DEPDC4: variants seen among roughly 807,000 people sequenced by gnomAD.
DEPDC4 encodes the protein DEP domain containing 4, also known as DEP domain-containing protein 4.
DEPDC4 carries 52 observed loss-of-function variants against 52.0 expected under a neutral mutation model. The observed-to-expected ratio is 1.00, with a 90% CI of 0.80 to 1.26. The LOEUF (loss-of-function observed/expected upper bound fraction) is 1.26. DEPDC4 is among the 50% of genes most tolerant of loss of function. The pLI is 0.00. For missense variants in DEPDC4, 530 were observed against 546.9 expected (o/e 0.97, Z 0.31); for synonymous variants, 201 against 196.8 (o/e 1.02, Z -0.18).
intron 3 of DEPDC4, among the ~76,000 whole-genome samples, chr12:100,261,447 G>T (rs2096253354): frequency 6.6e-6 from 1 of 152,140 alleles, no homozygotes; most frequent in Non-Finnish European, 1.5e-5. Context: ...ATTTTAAGGA[G>T]AAAAACACAA....
At chr12:100,270,537 A>G (rs779797526), upstream of DEPDC4, among the ~76,000 whole-genome samples, 79 of 152,088 alleles carry the variant, frequency 5.2e-4, no homozygotes, top group Non-Finnish European at 8.8e-4. Flanking sequence ...AAAAACTTGG[A>G]TGTAATCTTT....
At chr12:100,255,574 G>A (rs190554248) in intron 4 of DEPDC4, among the ~76,000 whole-genome samples, 228 of 152,290 alleles carry the variant, frequency 1.5e-3, no homozygotes, top group African/African-American at 5.0e-3. Context: ...ATAGCTTGGC[G>A]TTGGGAGTAA....
intron 3 of DEPDC4, chr12:100,261,729 C>T (rs189665236): frequency 6.6e-6 from 3 of 456,668 alleles, no homozygotes; most frequent in Non-Finnish European, 1.3e-5. Context: ...TATTGCCTCA[C>T]CTGTCTTATC....
intron 7 of DEPDC4, among the ~76,000 whole-genome samples, chr12:100,251,136 C>G (rs768218243): frequency 4.6e-5 from 7 of 152,150 alleles, no homozygotes; most frequent in Non-Finnish European, 1.0e-4. Context: ...TGGGGTCTTG[C>G]AATGTTGCCC....
chr12:100,258,396 G>A (rs180939701), intron 3 of DEPDC4, among the ~76,000 whole-genome samples: 1 of 152,058 alleles, frequency 6.6e-6, no homozygotes, highest in African/African-American at 2.4e-5. Flanking sequence ...AATTAGAACA[G>A]AGAAGGTAGA....
At chr12:100,235,476 T>TC (rs1237894145), downstream of DEPDC4, among the ~76,000 whole-genome samples, 1 of 151,608 alleles carries the variant, frequency 6.6e-6, no homozygotes, top group East Asian at 1.9e-4. Context: ...GGGGCACCCA[T>TC]CCCCCCAGCA....
chr12:100,267,140 A>G, upstream of DEPDC4: 1 of 1,556,370 alleles, frequency 6.4e-7, no homozygotes, highest in Non-Finnish European at 8.7e-7. Flanking sequence ...CCGAACCGGC[A>G]GGAAGTGACG....
chr12:100,241,838 C>G lies in DEPDC4; in HGVS notation c.*54G>C. 1 of 1,089,756 alleles carries G rather than the reference C, an allele frequency of 9.2e-7. No individual in the cohort carries two copies. The highest frequency in any genetic ancestry group is 2.1e-5 in the South Asian group (1 of 46,772). The allele number at this position is 1,089,756 out of a possible 1,614,324, so 67.5% of individuals were successfully genotyped here. On this transcript the variant is annotated 3_prime_UTR_variant, in exon 10 of 10. Coordinates refer to ENST00000550587, the MANE Select transcript of DEPDC4 (RefSeq NM_001364818.2). ...CCTTGTATGTCAAGGGTTGGCAAAA[C>G]GTAAAGCCTGGAAAAAAAAAAAAAA...
chr12:100,244,093 GTGTATATATA>G (rs1316451572), intron 8 of DEPDC4, among the ~76,000 whole-genome samples: 1,078 of 89,320 alleles, frequency 0.012, 61 homozygotes, highest in African/African-American at 0.032. Flanking sequence ...CTCTCTCTCT[GTGTATATATA>G]TATATATATA....
At chr12:100,244,121 A>ATG in intron 8 of DEPDC4, among the ~76,000 whole-genome samples, 1 of 130,438 alleles carries the variant, frequency 7.7e-6, no homozygotes, top group African/African-American at 2.9e-5. Flanking sequence ...ATATATATAT[A>ATG]TATATATATA....
rs978568241 is a variant in DEPDC4 at position 100,252,531 on chromosome 12, C to T, written c.1111G>A (p.Glu371Lys). The T allele has an allele frequency of 2.0e-5, 32 of 1,598,714 alleles. No individual in the cohort carries two copies. Among genetic ancestry groups the T allele is most frequent in the Non-Finnish European group, 5.1e-6 (6 of 1,175,712 alleles). ...HSGIIELLENEKRAEALEATQ... is the reference protein window; with the variant it reads ...HSGIIELLENKKRAEALEATQ... ...GCTTCAAGTGCTTCTGCTCTTTTCT[C>T]ATTTTCTGTTATATAGGTTACAAAG... Residue 371 changes from glutamate (E) to lysine (K), a missense_variant, in exon 6 of 10, where the codon GAG (glutamate) becomes AAG (lysine). By Grantham distance (56) the Glu-to-Lys change is moderately conservative. Coordinates refer to ENST00000550587, the MANE Select transcript of DEPDC4 (RefSeq NM_001364818.2).
At chr12:100,242,353 CACTATAATAGGAT>C in intron 9 of DEPDC4, 120 bp downstream of exon 9, 1 of 128,302 alleles carries the variant, frequency 7.8e-6, no homozygotes, top group African/African-American at 2.9e-5. Flanking sequence ...TGCCTATCTT[CACTATAATAGGAT>C]ACACCTATGG....
intron 9 of DEPDC4, among the ~76,000 whole-genome samples, chr12:100,233,492 A>G (rs1042082951): frequency 2.6e-5 from 4 of 152,206 alleles, no homozygotes; most frequent in Non-Finnish European, 2.9e-5. Flanking sequence ...ACCTCTATAC[A>G]TTACTACGTT....
Position 100,241,201 on chromosome 12 carries a change from TG to T in DEPDC4, c.*690del, listed in dbSNP as rs1195655548. 6.6e-6 allele frequency among the ~76,000 whole-genome samples: 1 copy of T among 152,208 alleles called. No homozygotes were observed. Among genetic ancestry groups the T allele is most frequent in the African/African-American group, 2.4e-5 (1 of 41,456 alleles). On this transcript the variant is annotated 3_prime_UTR_variant, in exon 10 of 10. Transcript: ENST00000550587. ...ATGCATGCTTTCTTCAGAGAGCTTG[TG>T]TATGAAAAGCTCCTTTCCTGTGGAA...
At chr12:100,271,027 C>G (rs923308023), upstream of DEPDC4, among the ~76,000 whole-genome samples, 11 of 151,840 alleles carry the variant, frequency 7.2e-5, no homozygotes, top group African/African-American at 2.7e-4. Context: ...ATTAGATACT[C>G]TTTGTAATTG....
the DEPDC4 span, among the ~76,000 whole-genome samples, chr12:100,278,707 G>A: frequency 1.1e-4 from 16 of 145,464 alleles, no homozygotes; most frequent in South Asian, 4.3e-4. Flanking sequence ...TCGGCTTACT[G>A]CAACCTTCAC....
At chr12:100,239,687 A>C, downstream of DEPDC4, among the ~76,000 whole-genome samples, 1 of 152,038 alleles carries the variant, frequency 6.6e-6, no homozygotes, top group Non-Finnish European at 1.5e-5. Context: ...GCCAAGCCTT[A>C]GCTGAGAATT....
intron 5 of DEPDC4, among the ~76,000 whole-genome samples, chr12:100,253,036 C>T (rs1213907295): frequency 1.3e-5 from 2 of 152,222 alleles, no homozygotes; most frequent in African/African-American, 2.4e-5. Flanking sequence ...CCTGCCTCAG[C>T]CTCCCGAGTA....
rs775573664 is a variant in DEPDC4, at chr12:100,244,093, G to GTATATATA, written c.1454-1525_1454-1524insTATATATA. ...TCCCTCTCTCTCTCTCTCTCTCTCTGTGTATATATATATATATATATATAT... is the reference window on the plus strand; with the variant it reads ...TCCCTCTCTCTCTCTCTCTCTCTCTGTATATATATGTATATATATATATATATATATAT... On this transcript the variant is annotated intron_variant, in intron 8 of 9. Coordinates refer to ENST00000550587, the MANE Select transcript of DEPDC4 (RefSeq NM_001364818.2). 8.9e-3 allele frequency among the ~76,000 whole-genome samples: 790 copies of GTATATATA among 89,250 alleles called. 91 individuals are homozygous for GTATATATA. Among genetic ancestry groups the GTATATATA allele is most frequent in the East Asian group, 0.025 (50 of 2,040 alleles). The allele number at this position is 89,250 out of a possible 152,430, so 58.6% of individuals were successfully genotyped here. A position where few individuals can be genotyped will look rare whatever the true frequency, so the allele number is the denominator to read the frequency against.
Sources: gnomAD v4.1 joint callset for allele counts (sites outside exome capture counted in the v4.1 genomes callset) on GRCh38, gnomAD v4.1.1 for gene constraint, MANE v1.5 for transcripts, NCBI Gene and HGNC (gene_info 2026-07-23, HGNC 2026-07-21) for gene names.